Variants in SERPINA3 observed in about 807,000 individuals in gnomAD.
SERPINA3 encodes the protein alpha-1-antichymotrypsin.
SERPINA3 carries 32 observed loss-of-function variants against 26.8 expected under a neutral mutation model. That is an observed-to-expected ratio of 1.20 (90% CI 0.90 to 1.61). The LOEUF (loss-of-function observed/expected upper bound fraction) is 1.61, where lower values mean the gene tolerates loss of function less well. Among genes scored for constraint, SERPINA3 ranks in the 40% most tolerant of loss-of-function variants. The pLI, the probability that SERPINA3 is intolerant of heterozygous loss-of-function variation, is 0.00. For synonymous variants in SERPINA3, 252 were observed against 206.4 expected, an observed-to-expected ratio of 1.22 and a Z score of -1.89; for missense variants, 632 against 517.9, an observed-to-expected ratio of 1.22 and a Z score of -2.14.
chr14:94,615,199 G>A, intron 2 of SERPINA3, 115 bp downstream of exon 2: 1 of 1,196,816 alleles, frequency 8.4e-7, no homozygotes, highest in East Asian at 2.3e-5. Context: ...CACAGCATGG[G>A]GGCAGCATAA....
chr14:94,622,557 G>A, intron 4 of SERPINA3, 66 bp downstream of exon 4: 2 of 1,566,680 alleles, frequency 1.3e-6, no homozygotes, highest in African/African-American at 1.4e-5. Context: ...AGGCCAGATG[G>A]ACTTTTGGGT....
At position 94,614,660 on chromosome 14, in the gene SERPINA3, C is replaced by T. The variant is rs763721882; in HGVS notation, c.219C>T (p.Val73=). Residue 73 remains valine (V), a synonymous_variant, in exon 2 of 5, where the codon GTC becomes GTT. Transcript: ENST00000393078. The part of the protein sequence containing the change: ...QLVLKAPDKN[V]IFSPLSISTA... ...TCCTGAAGGCCCCTGATAAGAATGT[C>T]ATCTTCTCCCCACTGAGCATCTCCA... is the stretch of plus-strand genomic sequence containing the variant. 5.0e-6 allele frequency: 8 copies of T among 1,613,982 alleles called. No homozygotes were observed. The highest frequency in any genetic ancestry group is 5.9e-6 in the Non-Finnish European group (7 of 1,180,032).
intron 2 of SERPINA3, among the ~76,000 whole-genome samples, chr14:94,617,403 G>A (rs1445149333): frequency 1.3e-5 from 2 of 152,174 alleles, no homozygotes; most frequent in African/African-American, 4.8e-5. Flanking sequence ...GAAGGAAGAT[G>A]AGGGCACAAG....
In SERPINA3 at chr14:94,619,332, T is replaced by C; in HGVS notation, c.781T>C (p.Cys261Arg). 6.2e-7 allele frequency: 1 copy of C among 1,614,208 alleles called. No individual in the cohort carries two copies. The highest frequency in any genetic ancestry group is 1.6e-4 in the Middle Eastern group (1 of 6,062). ...TTACTTCCGGGACGAGGAGCTGTCC[T>C]GCACCGTGGTGGAGCTGAAGTACAC... ...IPYFRDEELSCTVVELKYTGN... is the reference protein window; with the variant it reads ...IPYFRDEELSRTVVELKYTGN... Residue 261 changes from cysteine to arginine, a missense_variant, in exon 3 of 5, where the codon TGC becomes CGC. Coordinates refer to ENST00000393078, the MANE Select transcript of SERPINA3 (RefSeq NM_001085.5).
Position 94,615,094 on chromosome 14 carries a change from CCTGG to C in SERPINA3, c.643+13_643+16del. The C allele has an allele frequency of 6.2e-7, 1 of 1,613,322 alleles. No homozygotes were observed. Among genetic ancestry groups the C allele is most frequent in the African/African-American group, 1.3e-5 (1 of 75,032 alleles). ...TACATCTTCTTTAAAGGTGAGTGTG[CCTGG>C]CTTGGGGTTCAGAAGAGGTGGATCT... On this transcript the variant is annotated intron_variant, in intron 2 of 4. Transcript: ENST00000393078.
In SERPINA3 at chr14:94,619,326, C is replaced by A; in HGVS notation, c.775C>A (p.Leu259Met). The A allele has an allele frequency of 1.2e-6, 2 of 1,614,222 alleles. No homozygotes were observed. Among genetic ancestry groups the A allele is most frequent in the Middle Eastern group, 1.6e-4 (1 of 6,062 alleles). ...LTIPYFRDEELSCTVVELKYT... is the reference protein window; with the variant it reads ...LTIPYFRDEEMSCTVVELKYT... ...TATACCTTACTTCCGGGACGAGGAG[C>A]TGTCCTGCACCGTGGTGGAGCTGAA... Residue 259 changes from leucine (L) to methionine (M), a missense_variant, in exon 3 of 5, where the codon CTG becomes ATG. By Grantham distance (15) the Leu-to-Met change is conservative. Transcript: ENST00000393078.
In SERPINA3 at chr14:94,614,193, C is replaced by A. The variant is rs144873663; in HGVS notation, c.-8-241C>A. 51 of 547,344 alleles carry A rather than the reference C, an allele frequency of 9.3e-5. No individual in the cohort carries two copies. The African/African-American group carries it at 9.6e-4, about 10-fold the overall frequency. The allele number at this position is 547,344 out of a possible 1,614,324, so 33.9% of individuals were successfully genotyped here. ...TATGATCTTGGGCAAGCCCCCTCAC[C>A]GCTCTGTGCCCGGCTTTTCCACTGC... On this transcript the variant is annotated intron_variant, in intron 1 of 4. Transcript: ENST00000393078.
Position 94,623,936 on chromosome 14 carries a change from G to T in SERPINA3, c.*122G>T. Reference sequence around the variant, plus strand: ...GGCCATGGCATGTGTGGCCCTGTCTGCTTATCCTTGGAAGGTGACAGCGAT... The same window carrying T: ...GGCCATGGCATGTGTGGCCCTGTCTTCTTATCCTTGGAAGGTGACAGCGAT... On this transcript the variant is annotated 3_prime_UTR_variant, in exon 5 of 5. Coordinates refer to ENST00000393078, the MANE Select transcript of SERPINA3 (RefSeq NM_001085.5). 1 of 858,134 alleles carries T rather than the reference G, an allele frequency of 1.2e-6. No individual in the cohort carries two copies. 53.2% of individuals were successfully genotyped at this position (858,134 alleles called of 1,614,324 possible).
chr14:94,613,165 C>A (rs1885847195), intron 1 of SERPINA3, among the ~76,000 whole-genome samples: 2 of 144,756 alleles, frequency 1.4e-5, no homozygotes, highest in African/African-American at 5.7e-5. Flanking sequence ...GCCTCCCCTC[C>A]TTCCCCTCCT....
Position 94,623,625 on chromosome 14 carries a change from T to G in SERPINA3, c.1083T>G (p.Ala361=). The G allele has an allele frequency of 6.2e-7, 1 of 1,614,128 alleles. No homozygotes were observed. Among genetic ancestry groups the G allele is most frequent in the East Asian group, 2.2e-5 (1 of 44,884 alleles). Residue 361 remains alanine (A), a synonymous_variant, in exon 5 of 5, where the codon GCT becomes GCG. Coordinates refer to ENST00000393078, the MANE Select transcript of SERPINA3 (RefSeq NM_001085.5). ...TGTCCCCACAGGTGGTCCATAAGGCTGTGCTTGATGTATTTGAGGAGGGCA... is the reference window on the plus strand; with the variant it reads ...TGTCCCCACAGGTGGTCCATAAGGCGGTGCTTGATGTATTTGAGGAGGGCA... The part of the protein sequence containing the change: ...NLAVSQVVHK[A]VLDVFEEGTE...
At chr14:94,622,576 A>G in intron 4 of SERPINA3, 85 bp downstream of exon 4, 1 of 1,483,974 alleles carries the variant, frequency 6.7e-7, no homozygotes, top group South Asian at 1.2e-5. Flanking sequence ...GTACTCTTGA[A>G]CTTGGGTTAA....
Position 94,623,797 on chromosome 14 carries a change from A to C in SERPINA3, c.1255A>C (p.Asn419His), listed in dbSNP as rs1428706596. ...QNIFFMSKVT[N>H]PKQA is the part of the protein sequence containing the mutation. ...CATCTTCTTCATGAGCAAAGTCACC[A>C]ATCCCAAGCAAGCCTAGAGCTTGCC... Residue 419 changes from asparagine to histidine, a missense_variant, in exon 5 of 5, where the codon AAT (asparagine) becomes CAT (histidine). Physicochemically the swap from Asn to His is moderately conservative, Grantham distance 68. Coordinates refer to ENST00000393078, the MANE Select transcript of SERPINA3 (RefSeq NM_001085.5). The C allele has an allele frequency of 2.5e-6, 4 of 1,613,948 alleles. No individual in the cohort carries two copies. The highest frequency in any genetic ancestry group is 3.4e-6 in the Non-Finnish European group (4 of 1,180,024).
In SERPINA3 at chr14:94,614,568, A is replaced by G. The variant is rs759346589; in HGVS notation, c.127A>G (p.Thr43Ala). 11 of 1,614,130 alleles carry G rather than the reference A, an allele frequency of 6.8e-6. No homozygotes were observed. The South Asian group carries it at 1.2e-4, about 18-fold the overall frequency. The stretch of plus-strand genomic sequence containing the variant: ...GACCCAGGAGAACCAAGACCGAGGG[A>G]CACACGTGGACCTCGGATTAGCCTC... ...NLTQENQDRG[T>A]HVDLGLASAN... Residue 43 changes from threonine (T) to alanine (A), a missense_variant, in exon 2 of 5, where the codon ACA (threonine) becomes GCA (alanine). Coordinates refer to ENST00000393078, the MANE Select transcript of SERPINA3 (RefSeq NM_001085.5).
intron 3 of SERPINA3, among the ~76,000 whole-genome samples, chr14:94,621,131 C>T (rs900250100): frequency 6.6e-6 from 1 of 152,134 alleles, no homozygotes; most frequent in African/African-American, 2.4e-5. Flanking sequence ...GGCCGGACAC[C>T]TCTCGGGATT....
chr14:94,618,839 A>G (rs1023267164), intron 2 of SERPINA3: 8 of 399,828 alleles, frequency 2.0e-5, no homozygotes, highest in Non-Finnish European at 3.3e-5. Flanking sequence ...TTTTCCTTTT[A>G]TGGAACAAAG....
At chr14:94,620,415 A>G (rs1886157722) in intron 3 of SERPINA3, among the ~76,000 whole-genome samples, 1 of 152,066 alleles carries the variant, frequency 6.6e-6, no homozygotes, top group African/African-American at 2.4e-5. Context: ...GAGAGTGAGG[A>G]GAGAGTTGAG....
intron 2 of SERPINA3, among the ~76,000 whole-genome samples, chr14:94,615,727 G>T (rs932063343): frequency 1.3e-5 from 2 of 152,252 alleles, no homozygotes; most frequent in Non-Finnish European, 2.9e-5. Flanking sequence ...CCTCAAGGGT[G>T]GGCAGTATAC....
chr14:94,614,600 C>G lies in SERPINA3; in HGVS notation c.159C>G (p.Asn53Lys). The G allele has an allele frequency of 1.2e-6, 2 of 1,614,142 alleles. No individual in the cohort carries two copies. Among genetic ancestry groups the G allele is most frequent in the Non-Finnish European group, 1.7e-6 (2 of 1,180,026 alleles). Residue 53 changes from asparagine to lysine, a missense_variant, in exon 2 of 5, where the codon AAC (asparagine) becomes AAG (lysine). Asn to Lys is a moderately conservative substitution (Grantham distance 94). Coordinates refer to ENST00000393078, the MANE Select transcript of SERPINA3 (RefSeq NM_001085.5). The stretch of plus-strand genomic sequence containing the variant: ...TGGACCTCGGATTAGCCTCCGCCAA[C>G]GTGGACTTCGCTTTCAGCCTGTACA... ...THVDLGLASA[N>K]VDFAFSLYKQ... is the part of the protein sequence containing the mutation.
chr14:94,615,221 C>T (rs2139954797), intron 2 of SERPINA3, 137 bp downstream of exon 2: 1 of 947,282 alleles, frequency 1.1e-6, no homozygotes, highest in Non-Finnish European at 1.7e-6. Flanking sequence ...CATCAAGGCC[C>T]CACCCTGCCC....
Sources: gnomAD v4.1 joint callset for allele counts (sites outside exome capture counted in the v4.1 genomes callset) on GRCh38, gnomAD v4.1.1 for gene constraint, MANE v1.5 for transcripts, NCBI Gene and HGNC (gene_info 2026-07-23, HGNC 2026-07-21) for gene names.